RMND1: variants seen among roughly 807,000 people sequenced by gnomAD.
The protein encoded by RMND1 is required for meiotic nuclear division protein 1 homolog.
RMND1 carries 41 observed loss-of-function variants against 54.0 expected under a neutral mutation model. The ratio of observed to expected loss-of-function variants is 0.76; its 90% CI spans 0.59 to 0.98. RMND1 has a LOEUF of 0.98. Ranked by LOEUF, RMND1 falls within the 50% of genes least tolerant of loss-of-function variation. RMND1 has a pLI of 0.00. For missense variants in RMND1, 457 were observed against 532.0 expected (o/e 0.86, Z 1.39); for synonymous variants, 183 against 181.7 (o/e 1.01, Z -0.06).
intron 10 of RMND1, among the ~76,000 whole-genome samples, chr6:151,413,529 C>T (rs530924892): frequency 6.6e-6 from 1 of 152,276 alleles, no homozygotes; most frequent in South Asian, 2.1e-4. Context: ...CGTGAGCCAC[C>T]GTGCCCAGCC....
At chr6:151,408,340 A>G (rs983957920) in intron 10 of RMND1, among the ~76,000 whole-genome samples, 2 of 152,058 alleles carry the variant, frequency 1.3e-5, no homozygotes, top group Admixed American at 1.3e-4. Flanking sequence ...AAAAATAGAA[A>G]AATTAGCTGG....
In RMND1 at chr6:151,405,115, CCTT is replaced by C. The variant is rs1445459205; in HGVS notation, c.*117_*119del. On this transcript the variant is annotated 3_prime_UTR_variant, in exon 12 of 12. Coordinates refer to ENST00000444024, the MANE Select transcript of RMND1 (RefSeq NM_017909.4). ...AGCTCCTGATCTCATCTCAAGCCAC[CCTT>C]CTTGGCCTCCGAAAGTGCTGGGATT... 6.3e-6 allele frequency: 5 copies of C among 799,358 alleles called. No homozygotes were observed. The African/African-American group carries it at 8.8e-5, about 14-fold the overall frequency. The allele number at this position is 799,358 out of a possible 1,614,324, so 49.5% of individuals were successfully genotyped here. A position where few individuals can be genotyped will look rare whatever the true frequency, so the allele number is the denominator to read the frequency against.
At chr6:151,414,514 GCAAC>G (rs1779943976) in intron 10 of RMND1, among the ~76,000 whole-genome samples, 1 of 151,988 alleles carries the variant, frequency 6.6e-6, no homozygotes, top group Non-Finnish European at 1.5e-5. Context: ...TGATGTTAGA[GCAAC>G]CATCATAAAA....
At chr6:151,438,427 A>G (rs1380894465) in intron 2 of RMND1, among the ~76,000 whole-genome samples, 4 of 152,220 alleles carry the variant, frequency 2.6e-5, no homozygotes, top group Non-Finnish European at 5.9e-5. Flanking sequence ...GGAGATAAGC[A>G]GGTCACAAGC....
intron 10 of RMND1, among the ~76,000 whole-genome samples, chr6:151,407,951 A>G (rs186657045): frequency 1.2e-4 from 18 of 151,860 alleles, no homozygotes; most frequent in African/African-American, 4.1e-4. Context: ...CATGCTTTCT[A>G]TTTATTTAGG....
chr6:151,427,118 C>G (rs1456259839), intron 6 of RMND1, among the ~76,000 whole-genome samples: 1 of 152,010 alleles, frequency 6.6e-6, no homozygotes, highest in Non-Finnish European at 1.5e-5. Flanking sequence ...GTGGCTCACG[C>G]CTGTAATCCC....
intron 1 of RMND1, among the ~76,000 whole-genome samples, chr6:151,450,681 A>AG (rs1300466511): frequency 1.3e-5 from 2 of 149,852 alleles, no homozygotes; most frequent in Non-Finnish European, 3.0e-5. Context: ...CTGCCCGGCC[A>AG]CCACCCCGTC....
chr6:151,451,431 G>A (rs1781192570), intron 1 of RMND1, among the ~76,000 whole-genome samples: 1 of 152,060 alleles, frequency 6.6e-6, no homozygotes, highest in South Asian at 2.1e-4. Flanking sequence ...ACCTTGCATT[G>A]GGAGTGACAG....
chr6:151,445,249 A>G, intron 2 of RMND1, 59 bp downstream of exon 2: 1 of 1,529,684 alleles, frequency 6.5e-7, no homozygotes, highest in Non-Finnish European at 8.8e-7. Flanking sequence ...TGCAACGCAC[A>G]CTGGTTTAGC....
At chr6:151,446,909 A>G (rs1359257951) in intron 1 of RMND1, among the ~76,000 whole-genome samples, 1 of 152,184 alleles carries the variant, frequency 6.6e-6, no homozygotes, top group African/African-American at 2.4e-5. Context: ...TCAAAAAAAA[A>G]AAAAAGTTAG....
chr6:151,421,080 C>A, intron 9 of RMND1, 165 bp downstream of exon 9: 1 of 581,622 alleles, frequency 1.7e-6, no homozygotes, highest in Non-Finnish European at 3.1e-6. Context: ...CACAGCCCAA[C>A]TACTTCTAAT....
intron 1 of RMND1, 150 bp downstream of exon 1, chr6:151,451,866 C>G (rs1395470302): frequency 6.6e-6 from 1 of 152,270 alleles, no homozygotes; most frequent in African/African-American, 2.4e-5. Flanking sequence ...TTACTCCCAG[C>G]TAAGCTGACC....
chr6:151,438,422 T>A (rs993399695), intron 2 of RMND1, among the ~76,000 whole-genome samples: 9 of 152,174 alleles, frequency 5.9e-5, no homozygotes, highest in Admixed American at 1.3e-4. Flanking sequence ...AAAAAGGAGA[T>A]AAGCAGGTCA....
At position 151,445,785 on chromosome 6, in the gene RMND1, C is replaced by T. The variant is rs1279812879; in HGVS notation, c.27G>A (p.Val9=). 6.2e-7 allele frequency: 1 copy of T among 1,611,804 alleles called. No homozygotes were observed. The highest frequency in any genetic ancestry group is 1.3e-5 in the African/African-American group (1 of 75,004). The change falls in exon 2 of 12, where the codon GTG becomes GTA. Residue 9 remains valine, a synonymous_variant. Transcript: ENST00000444024. MPATLLRA[V]ARSHHILSKA... ...TTGATAATATATGATGAGATCTGGC[C>T]ACGGCTCTGAGGAGTGTGGCTGGCA...
At chr6:151,418,286 T>C (rs1935138217) in intron 9 of RMND1, among the ~76,000 whole-genome samples, 1 of 152,004 alleles carries the variant, frequency 6.6e-6, no homozygotes, top group Non-Finnish European at 1.5e-5. Flanking sequence ...TGGTGGTGTA[T>C]GCCTGTAGTC....
chr6:151,435,525 T>C (rs887859463), intron 3 of RMND1, among the ~76,000 whole-genome samples: 3 of 151,730 alleles, frequency 2.0e-5, no homozygotes, highest in East Asian at 1.9e-4. Context: ...CTCAATTAAG[T>C]TCATTTTAAT....
chr6:151,410,389 G>A (rs1779794482), intron 10 of RMND1, among the ~76,000 whole-genome samples: 1 of 152,082 alleles, frequency 6.6e-6, no homozygotes, highest in Non-Finnish European at 1.5e-5. Context: ...CTGTAAAGCT[G>A]GCTGAAGGGC....
intron 1 of RMND1, chr6:151,446,061 T>A: frequency 2.4e-6 from 1 of 416,110 alleles, no homozygotes; most frequent in Non-Finnish European, 4.3e-6. Context: ...GCTACTGACA[T>A]AACAAGAACC....
chr6:151,426,813 T>C (rs1296643052), intron 6 of RMND1, among the ~76,000 whole-genome samples: 1 of 151,968 alleles, frequency 6.6e-6, no homozygotes, highest in Non-Finnish European at 1.5e-5. Context: ...CTTGTCACCC[T>C]GGCTGGAGTG....
Sources: gnomAD v4.1 joint callset for allele counts (sites outside exome capture counted in the v4.1 genomes callset) on GRCh38, gnomAD v4.1.1 for gene constraint, MANE v1.5 for transcripts, NCBI Gene and HGNC (gene_info 2026-07-23, HGNC 2026-07-21) for gene names.